Variants in NME8 observed in about 807,000 individuals in gnomAD.
NME8 encodes protein NME8.
NME8 carries 72 observed loss-of-function variants against 82.3 expected under a neutral mutation model. The observed-to-expected ratio is 0.87, with a 90% CI of 0.72 to 1.06. NME8 has a LOEUF of 1.06. Among genes scored for constraint, NME8 ranks in the 50% least tolerant of loss-of-function variants. NME8 has a pLI of 0.00. For synonymous variants in NME8, 267 were observed against 228.5 expected, an observed-to-expected ratio of 1.17 and a Z score of -1.52; for missense variants, 712 against 685.4, an observed-to-expected ratio of 1.04 and a Z score of -0.43.
intron 12 of NME8, among the ~76,000 whole-genome samples, chr7:37,879,792 T>G (rs1784914533): frequency 6.6e-6 from 1 of 152,238 alleles, no homozygotes; most frequent in Non-Finnish European, 1.5e-5. Flanking sequence ...CCAAAGCACC[T>G]GTACCACTTT....
chr7:37,851,548 A>C (rs1784438798), intron 5 of NME8, among the ~76,000 whole-genome samples: 1 of 152,214 alleles, frequency 6.6e-6, no homozygotes, highest in Admixed American at 6.5e-5. Flanking sequence ...TAAAAATTTA[A>C]TATGGAAAAA....
Position 37,888,298 on chromosome 7 carries a change from G to A in NME8, c.1269G>A (p.Met423Ile), listed in dbSNP as rs761626831. 1.8e-5 allele frequency: 29 copies of A among 1,613,390 alleles called. No homozygotes were observed. In the Admixed American group the frequency reaches 4.8e-4, roughly 27 times the overall value. Residue 423 changes from methionine to isoleucine, a missense_variant, in exon 15 of 18, where the codon ATG (methionine) becomes ATA (isoleucine). Physicochemically the swap from Met to Ile is conservative, Grantham distance 10 (BLOSUM62 1). Coordinates refer to ENST00000199447, the MANE Select transcript of NME8 (RefSeq NM_016616.5). ...FPESLCAQFA[M>I]DSLPVNQLYG... The stretch of plus-strand genomic sequence containing the variant: ...AAAGTTTATGTGCACAGTTTGCGAT[G>A]GACAGTTTGCCGGTCAACCAGTTGT...
chr7:37,868,388 C>T lies in NME8; in HGVS notation c.818+490C>T, dbSNP rs141790989. ...GGGTTGCACAATGAGTTTGAACATG[C>T]ATGCATTCCGGAGATGTATAGAAAT... On this transcript the variant is annotated intron_variant, in intron 11 of 17. Transcript: ENST00000199447. 4.6e-3 allele frequency among the ~76,000 whole-genome samples: 695 copies of T among 152,044 alleles called. 22 individuals are homozygous for T. The highest frequency in any genetic ancestry group is 0.041 in the Admixed American group (632 of 15,262).
chr7:37,888,026 C>G (rs1047436417), intron 14 of NME8, among the ~76,000 whole-genome samples: 1 of 152,094 alleles, frequency 6.6e-6, no homozygotes, highest in Non-Finnish European at 1.5e-5. Flanking sequence ...AGCATTCATT[C>G]CTCTTTCATA....
intron 11 of NME8, among the ~76,000 whole-genome samples, chr7:37,868,399 G>A (rs1439117810): frequency 6.7e-6 from 1 of 150,232 alleles, no homozygotes; most frequent in Non-Finnish European, 1.5e-5. Context: ...ATGCATTCCG[G>A]AGATGTATAG....
At chr7:37,886,398 CAATT>C (rs1785040774) in intron 14 of NME8, among the ~76,000 whole-genome samples, 1 of 152,168 alleles carries the variant, frequency 6.6e-6, no homozygotes, top group South Asian at 2.1e-4. Flanking sequence ...CCCATGTTCA[CAATT>C]AATCTTAATC....
At chr7:37,896,844 TC>T (rs1360268782) in intron 16 of NME8, 25 bp from the exon 17 acceptor site, 1 of 1,591,642 alleles carries the variant, frequency 6.3e-7, no homozygotes, top group Admixed American at 1.7e-5. Context: ...GTAGGCTGGG[TC>T]TTCTGAAAGC....
chr7:37,868,472 G>C (rs1408690619), intron 11 of NME8, among the ~76,000 whole-genome samples: 2 of 152,190 alleles, frequency 1.3e-5, no homozygotes, highest in Non-Finnish European at 2.9e-5. Flanking sequence ...TTAAATAATA[G>C]GGAAGTCTAG....
intron 11 of NME8, among the ~76,000 whole-genome samples, chr7:37,876,229 TATAG>T (rs56873287): frequency 0.074 from 10,760 of 146,074 alleles, 484 homozygotes; most frequent in South Asian, 0.2. Context: ...TATATATATA[TATAG>T]ATAGATAGAT....
At chr7:37,878,089 A>G (rs1784884938) in intron 12 of NME8, among the ~76,000 whole-genome samples, 2 of 152,206 alleles carry the variant, frequency 1.3e-5, no homozygotes, top group South Asian at 2.1e-4. Context: ...GTCTTTTACC[A>G]CTAAGTATGT....
chr7:37,883,482 C>A (rs1289033364), intron 12 of NME8, among the ~76,000 whole-genome samples: 1 of 152,068 alleles, frequency 6.6e-6, no homozygotes, highest in Non-Finnish European at 1.5e-5. Flanking sequence ...TTGCTTAGTT[C>A]TACTTTATTC....
At chr7:37,886,939 G>A (rs1306569941) in intron 14 of NME8, among the ~76,000 whole-genome samples, 4 of 152,088 alleles carry the variant, frequency 2.6e-5, no homozygotes, top group Non-Finnish European at 4.4e-5. Flanking sequence ...GGATCTGGAA[G>A]CTGGGGACAG....
chr7:37,889,220 T>A (rs1361204906), intron 15 of NME8, among the ~76,000 whole-genome samples: 1 of 151,968 alleles, frequency 6.6e-6, no homozygotes, highest in Non-Finnish European at 1.5e-5. Context: ...TGTAAAGTAA[T>A]TTCTTATCAT....
chr7:37,876,216 C>CTATATA (rs57828103), intron 11 of NME8, among the ~76,000 whole-genome samples: 32 of 143,252 alleles, frequency 2.2e-4, no homozygotes, highest in Admixed American at 1.8e-3. Flanking sequence ...CAAAAAAACA[C>CTATATA]TATATATATA....
Position 37,848,630 on chromosome 7 carries a change from T to A in NME8, c.-339T>A, listed in dbSNP as rs1243465038. ...GGGATGAGGCAGCTGAAGAACAGAG[T>A]CTTGTGATGGTGGAACCAGGACTTC... On this transcript the variant is annotated 5_prime_UTR_variant, in exon 1 of 18. Coordinates refer to ENST00000199447, the MANE Select transcript of NME8 (RefSeq NM_016616.5). The A allele has an allele frequency of 6.6e-6, 1 of 151,898 alleles. No individual in the cohort carries two copies. The highest frequency in any genetic ancestry group is 6.6e-5 in the Admixed American group (1 of 15,250). 9.4% of individuals were successfully genotyped at this position (151,898 alleles called of 1,614,324 possible). A position where few individuals can be genotyped will look rare whatever the true frequency, so the allele number is the denominator to read the frequency against.
At chr7:37,898,576 T>C (rs1215858292) in intron 17 of NME8, among the ~76,000 whole-genome samples, 1 of 152,166 alleles carries the variant, frequency 6.6e-6, no homozygotes, top group Non-Finnish European at 1.5e-5. Flanking sequence ...GCAACATGGA[T>C]GAATCTCAAA....
At chr7:37,882,613 G>GAGAGAGAAAGAAAGAA (rs1273553790) in intron 12 of NME8, among the ~76,000 whole-genome samples, 10 of 85,070 alleles carry the variant, frequency 1.2e-4, no homozygotes, top group African/African-American at 2.2e-4. Flanking sequence ...GAGAGAGAGA[G>GAGAGAGAAAGAAAGAA]AGAAAGAAAG....
At chr7:37,854,456 G>A (rs1420095751) in intron 5 of NME8, among the ~76,000 whole-genome samples, 1 of 152,036 alleles carries the variant, frequency 6.6e-6, no homozygotes, top group East Asian at 1.9e-4. Context: ...TAATTTTATG[G>A]AAATACGTGG....
At chr7:37,873,339 G>A (rs1292998802) in intron 11 of NME8, among the ~76,000 whole-genome samples, 4 of 135,424 alleles carry the variant, frequency 3.0e-5, no homozygotes, top group Non-Finnish European at 4.6e-5. Context: ...CAGCCTGGGC[G>A]ACTGAGTGAG....
Sources: allele counts gnomAD v4.1 joint callset (sites outside exome capture counted in the v4.1 genomes callset), GRCh38; gene constraint gnomAD v4.1.1; transcripts MANE v1.5; gene names NCBI Gene and HGNC (gene_info 2026-07-23, HGNC 2026-07-21).